Variants in NFIB observed in about 807,000 individuals in gnomAD.
The protein encoded by NFIB is nuclear factor 1 B-type.
A neutral mutation model predicts 61.5 loss-of-function variants in NFIB; 11 were observed. The observed-to-expected ratio is 0.18, with a 90% CI of 0.11 to 0.30. NFIB has a LOEUF of 0.30. NFIB is among the 10% of genes least tolerant of loss of function. NFIB has a pLI of 1.00. For missense variants in NFIB, 471 were observed against 608.9 expected (o/e 0.77, Z 2.38); for synonymous variants, 260 against 216.5 (o/e 1.20, Z -1.76).
intron 2 of NFIB, among the ~76,000 whole-genome samples, chr9:14,194,993 C>T (rs1234685863): frequency 6.6e-6 from 1 of 151,916 alleles, no homozygotes; most frequent in Non-Finnish European, 1.5e-5. Context: ...AAAGAGATCC[C>T]GTAAGCTTCT....
At chr9:14,249,310 G>T (rs1225864773) in intron 2 of NFIB, among the ~76,000 whole-genome samples, 1 of 152,180 alleles carries the variant, frequency 6.6e-6, no homozygotes, top group Non-Finnish European at 1.5e-5. Flanking sequence ...ATAGTAAGTG[G>T]TGGAGATGAG....
Position 14,085,869 on chromosome 9 carries a change from ACT to A in NFIB, c.*2438_*2439del, listed in dbSNP as rs755084736. On this transcript the variant is annotated 3_prime_UTR_variant, in exon 11 of 11. Coordinates refer to ENST00000380953, the MANE Select transcript of NFIB (RefSeq NM_001190737.2). ...AGGAGAAAGAATATTCATGTGTTAAACTCTCAAAAGTGTTAAACATCCAACAT... is the reference window on the plus strand; with the variant it reads ...AGGAGAAAGAATATTCATGTGTTAAACTCAAAAGTGTTAAACATCCAACAT... 1 of 224,170 alleles carries A rather than the reference ACT, an allele frequency of 4.5e-6. No individual in the cohort carries two copies. The highest frequency in any genetic ancestry group is 5.7e-5 in the Admixed American group (1 of 17,444). 13.9% of individuals were successfully genotyped at this position (224,170 alleles called of 1,614,324 possible).
At chr9:14,270,680 C>G (rs2057538284) in intron 2 of NFIB, among the ~76,000 whole-genome samples, 1 of 149,456 alleles carries the variant, frequency 6.7e-6, no homozygotes, top group Non-Finnish European at 1.5e-5. Flanking sequence ...CTGACATGTT[C>G]CAAGACTGAT....
the NFIB span, among the ~76,000 whole-genome samples, chr9:14,481,197 G>GTGTGTGTATATATATATATA: frequency 6.5e-5 from 3 of 45,842 alleles, no homozygotes; most frequent in African/African-American, 1.9e-4. Context: ...GTGTGTGTGT[G>GTGTGTGTATATATATATATA]TATATATATA....
chr9:14,343,216 T>C (rs1318143768), intron 1 of NFIB, among the ~76,000 whole-genome samples: 1 of 152,206 alleles, frequency 6.6e-6, no homozygotes, highest in East Asian at 1.9e-4. Context: ...CAACCATCCT[T>C]GGAGAAGTTT....
At chr9:14,100,631 G>A (rs935429604) in intron 10 of NFIB, among the ~76,000 whole-genome samples, 1 of 152,134 alleles carries the variant, frequency 6.6e-6, no homozygotes, top group Admixed American at 6.5e-5. Context: ...GGAGAATGGC[G>A]TGAACCCGGG....
chr9:14,312,715 G>A (rs900694578), intron 1 of NFIB, among the ~76,000 whole-genome samples: 1 of 152,090 alleles, frequency 6.6e-6, no homozygotes, highest in African/African-American at 2.4e-5. Flanking sequence ...CGAAAAAAAT[G>A]ACCTTACTTC....
the NFIB span, among the ~76,000 whole-genome samples, chr9:14,506,262 C>T: frequency 6.6e-6 from 1 of 152,012 alleles, no homozygotes; most frequent in South Asian, 2.1e-4. Context: ...GGGAGATTGC[C>T]CACAGAGGGT....
At chr9:14,519,977 C>A in the NFIB span, among the ~76,000 whole-genome samples, 1 of 151,792 alleles carries the variant, frequency 6.6e-6, no homozygotes, top group Non-Finnish European at 1.5e-5. Context: ...TTAGCTTCCC[C>A]TTAGTTCTCT....
At chr9:14,343,789 G>T (rs1480870885) in intron 1 of NFIB, among the ~76,000 whole-genome samples, 2 of 147,154 alleles carry the variant, frequency 1.4e-5, no homozygotes, top group Admixed American at 1.4e-4. Context: ...GTCCCAAGCA[G>T]TGCCAAGAAG....
At chr9:14,275,800 C>T (rs140633833) in intron 2 of NFIB, among the ~76,000 whole-genome samples, 147 of 152,158 alleles carry the variant, frequency 9.7e-4, no homozygotes, top group African/African-American at 3.4e-3. Context: ...GTCCCTCCTC[C>T]CTCACTTCCC....
chr9:14,499,660 C>T, the NFIB span, among the ~76,000 whole-genome samples: 21 of 152,234 alleles, frequency 1.4e-4, no homozygotes, highest in South Asian at 4.1e-4. Flanking sequence ...GGGGAATTGA[C>T]GGGCCCAAGC....
rs1352665805 is a variant in NFIB, at chr9:14,121,000, C to T, written c.1061-376G>A. On this transcript the variant is annotated intron_variant, in intron 7 of 10. Transcript: ENST00000380953. This position sits in a 1 kb window ranked among gnomAD's most constrained non-coding sequence, Gnocchi z 4.4. ...TCTTTAGGCCGGGTGCAGTAGCTCA[C>T]ACCTGTAATCCCAGCACTTTGGGCG... Among the ~76,000 whole-genome samples the T allele has an allele frequency of 6.6e-6, 1 of 152,198 alleles. No individual in the cohort carries two copies. Among genetic ancestry groups the T allele is most frequent in the Non-Finnish European group, 1.5e-5 (1 of 68,036 alleles).
chr9:14,152,087 C>T (rs2042929610), intron 4 of NFIB, among the ~76,000 whole-genome samples: 2 of 152,048 alleles, frequency 1.3e-5, no homozygotes, highest in Admixed American at 6.6e-5. Context: ...AGCTTTATCA[C>T]AGAGAAGTAA....
At chr9:14,525,752 A>G in the NFIB span, among the ~76,000 whole-genome samples, 3 of 152,186 alleles carry the variant, frequency 2.0e-5, no homozygotes, top group Non-Finnish European at 4.4e-5. Flanking sequence ...TAATGTATGC[A>G]GTTCCCACAA....
At chr9:14,112,844 G>C (rs1319063273) in intron 10 of NFIB, among the ~76,000 whole-genome samples, 155 bp downstream of exon 10, 8 of 152,162 alleles carry the variant, frequency 5.3e-5, no homozygotes, top group African/African-American at 1.9e-4. Flanking sequence ...GAGAAACAAA[G>C]GATCAATGAG....
the NFIB span, among the ~76,000 whole-genome samples, chr9:14,454,077 A>G: frequency 6.6e-6 from 1 of 152,232 alleles, no homozygotes; most frequent in Non-Finnish European, 1.5e-5. Flanking sequence ...CAAAAAAAAA[A>G]GTACAATATA....
At chr9:14,273,089 G>A (rs903443400) in intron 2 of NFIB, among the ~76,000 whole-genome samples, 7 of 152,124 alleles carry the variant, frequency 4.6e-5, no homozygotes. Context: ...GGAGAAAGAA[G>A]ATCACTCATT....
intron 1 of NFIB, among the ~76,000 whole-genome samples, chr9:14,343,427 G>A (rs118165660): frequency 0.019 from 2,898 of 152,116 alleles, 48 homozygotes; most frequent in Middle Eastern, 0.044. Flanking sequence ...GTAGAGAGAC[G>A]TGGCCAGGTT....
Sources: gnomAD v4.1 joint callset for allele counts (sites outside exome capture counted in the v4.1 genomes callset) on GRCh38, gnomAD v4.1.1 for gene constraint, Gnocchi (gnomAD v3.1) non-coding constraint, MANE v1.5 for transcripts, NCBI Gene and HGNC (gene_info 2026-07-23, HGNC 2026-07-21) for gene names.